The following MYOF variants were observed in gnomAD, a reference collection of about 807,000 sequenced individuals.
The protein encoded by MYOF is fer-1-like 3, myoferlin.
Under a neutral mutation model 284.2 loss-of-function variants are expected in MYOF, and 244 were observed. That is an observed-to-expected ratio of 0.86 (90% CI 0.77 to 0.95). The LOEUF is 0.95. Among genes scored for constraint, MYOF ranks in the 40% least tolerant of loss-of-function variants. The pLI is 0.00. For missense variants in MYOF, 2,496 were observed against 2,560.6 expected (o/e 0.97, Z 0.54); for synonymous variants, 904 against 919.7 (o/e 0.98, Z 0.31).
At chr10:93,393,521 A>G (rs924375360) in intron 16 of MYOF, among the ~76,000 whole-genome samples, 1 of 152,180 alleles carries the variant, frequency 6.6e-6, no homozygotes, top group Non-Finnish European at 1.5e-5. Flanking sequence ...GCTTGTAGCA[A>G]TCTCTGTTTT....
chr10:93,317,736 A>C (rs1842676407), intron 49 of MYOF, among the ~76,000 whole-genome samples: 1 of 152,208 alleles, frequency 6.6e-6, no homozygotes, highest in Non-Finnish European at 1.5e-5. Context: ...AGACTAGGTA[A>C]GTGTCCTTCA....
At position 93,329,667 on chromosome 10, in the gene MYOF, C is replaced by T. The variant is rs751089270; in HGVS notation, c.4979G>A (p.Cys1660Tyr). 1 of 1,613,882 alleles carries T rather than the reference C, an allele frequency of 6.2e-7. No homozygotes were observed. The highest frequency in any genetic ancestry group is 8.5e-7 in the Non-Finnish European group (1 of 1,180,026). ...TTGTACAGTCAAAGCAACTTACACA[C>T]AGTACTCCTCTGGTATGCCGCAGTG... ...GSHCGIPEEY[C>Y]VSGVNTWRDQ... The change falls in exon 44 of 54, where the codon TGT becomes TAT. Residue 1660 changes from cysteine to tyrosine, a missense_variant. Physicochemically the swap from Cys to Tyr is radical, Grantham distance 194. Coordinates refer to ENST00000359263, the MANE Select transcript of MYOF (RefSeq NM_013451.4).
At chr10:93,402,502 T>C (rs1315203439) in intron 10 of MYOF, among the ~76,000 whole-genome samples, 155 bp from the exon 11 acceptor site, 2 of 152,108 alleles carry the variant, frequency 1.3e-5, no homozygotes, top group Admixed American at 6.5e-5. Context: ...GTCTTCTGTT[T>C]TGTACTCTCC....
chr10:93,320,000 T>G lies in MYOF; in HGVS notation c.5470A>C (p.Asn1824His). The G allele has an allele frequency of 1.2e-6, 2 of 1,614,174 alleles. No homozygotes were observed. Among genetic ancestry groups the G allele is most frequent in the Non-Finnish European group, 1.7e-6 (2 of 1,179,988 alleles). ...DIYVKGWIPG[N>H]EENKQKTDVH... Reference sequence around the variant, plus strand: ...TCTGTTTTCTGTTTGTTTTCTTCATTGCCAGGAATCCAGCTGAAAGGCAGA... The same window carrying G: ...TCTGTTTTCTGTTTGTTTTCTTCATGGCCAGGAATCCAGCTGAAAGGCAGA... Residue 1824 changes from asparagine (N) to histidine (H), a missense_variant, in exon 49 of 54, where the codon AAT (asparagine) becomes CAT (histidine). Transcript: ENST00000359263.
intron 1 of MYOF, among the ~76,000 whole-genome samples, chr10:93,473,219 A>C (rs2057188752): frequency 6.6e-6 from 1 of 152,244 alleles, no homozygotes; most frequent in Admixed American, 6.5e-5. Flanking sequence ...GAACAGATCT[A>C]ATCCCTGGAA....
chr10:93,329,974 G>T (rs1843229669), intron 43 of MYOF, 140 bp from the exon 44 acceptor site: 1 of 768,372 alleles, frequency 1.3e-6, no homozygotes, highest in Non-Finnish European at 2.2e-6. Context: ...CAGGGTGGGT[G>T]GTGGTGGGTG....
rs1394720665 is a variant in MYOF at position 93,356,678 on chromosome 10, G to A, written c.3291C>T (p.Ala1097=). Residue 1097 remains alanine (A), a synonymous_variant, in exon 30 of 54, where the codon GCC becomes GCT. Transcript: ENST00000359263. ...GAAAIFKLEG[A]LGADTTEDGD... ...GCTCTGGCAACCTAGTACTTACAAG[G>A]GCACCTTCAAGTTTAAAGATGGCAG... The A allele has an allele frequency of 6.2e-7, 1 of 1,612,260 alleles. No individual in the cohort carries two copies. The highest frequency in any genetic ancestry group is 8.5e-7 in the Non-Finnish European group (1 of 1,179,420).
At position 93,380,745 on chromosome 10, in the gene MYOF, G is replaced by A. The variant is rs116380090; in HGVS notation, c.1876+474C>T. ...TCCTCATGTCAACTCCAGAGAAGAC[G>A]AAGAAACTGAGGGTTAGAATTCAGT... On this transcript the variant is annotated intron_variant, in intron 20 of 53. Coordinates refer to ENST00000359263, the MANE Select transcript of MYOF (RefSeq NM_013451.4). Among the ~76,000 whole-genome samples the A allele has an allele frequency of 6.4e-3, 970 of 152,272 alleles. 13 individuals carry two copies. Among genetic ancestry groups the A allele is most frequent in the African/African-American group, 0.022 (923 of 41,548 alleles).
At chr10:93,379,628 AATG>A (rs1371158902) in intron 21 of MYOF, among the ~76,000 whole-genome samples, 5 of 152,176 alleles carry the variant, frequency 3.3e-5, no homozygotes, top group African/African-American at 4.8e-5. Flanking sequence ...CCATGCAGAC[AATG>A]ATAACTCCTG....
chr10:93,439,848 G>A (rs1564720300), intron 3 of MYOF, among the ~76,000 whole-genome samples: 1 of 152,208 alleles, frequency 6.6e-6, no homozygotes, highest in Non-Finnish European at 1.5e-5. Context: ...GGCTGGGCAG[G>A]TGGGCATGAA....
At chr10:93,366,835 G>A (rs1031188513) in intron 25 of MYOF, among the ~76,000 whole-genome samples, 5 of 152,142 alleles carry the variant, frequency 3.3e-5, no homozygotes, top group South Asian at 2.1e-4. Context: ...GCAAATGATT[G>A]CGAACGTGCT....
intron 3 of MYOF, among the ~76,000 whole-genome samples, chr10:93,432,444 A>G (rs1848921035): frequency 6.6e-6 from 1 of 152,106 alleles, no homozygotes; most frequent in Non-Finnish European, 1.5e-5. Flanking sequence ...ACCCCCCGCC[A>G]GAATCCAGGA....
At chr10:93,389,317 T>C (rs956651797) in intron 17 of MYOF, among the ~76,000 whole-genome samples, 163 bp from the exon 18 acceptor site, 5 of 152,264 alleles carry the variant, frequency 3.3e-5, no homozygotes, top group African/African-American at 1.2e-4. Flanking sequence ...TATTTCTCTT[T>C]TCTTATTGCT....
At chr10:93,474,215 C>T (rs976233879) in intron 1 of MYOF, among the ~76,000 whole-genome samples, 6 of 152,184 alleles carry the variant, frequency 3.9e-5, no homozygotes, top group African/African-American at 7.2e-5. Context: ...TTTGACTCAA[C>T]TAGTAAGCCT....
intron 16 of MYOF, among the ~76,000 whole-genome samples, chr10:93,394,960 A>T (rs1056730418): frequency 1.3e-5 from 2 of 151,474 alleles, no homozygotes; most frequent in Non-Finnish European, 2.9e-5. Context: ...TATTTATGTT[A>T]TCCATTGCTT....
At chr10:93,315,936 C>A (rs969412837) in intron 50 of MYOF, among the ~76,000 whole-genome samples, 1 of 149,248 alleles carries the variant, frequency 6.7e-6, no homozygotes, top group Admixed American at 6.7e-5. Context: ...GCCTGGGCAA[C>A]ATAGTGAGAC....
In MYOF at chr10:93,378,693, G is replaced by GTGTGTGTGTGTATATATATATATATA; in HGVS notation, c.2001+1169_2001+1170insTATATATATATATATACACACACACA. Among the ~76,000 whole-genome samples, 33 of 87,888 alleles carry GTGTGTGTGTGTATATATATATATATA rather than the reference G, an allele frequency of 3.8e-4. 1 individual carries two copies. The highest frequency in any genetic ancestry group is 1.5e-3 in the African/African-American group (31 of 20,792). The allele number at this position is 87,888 out of a possible 152,430, so 57.7% of individuals were successfully genotyped here. A position where few individuals can be genotyped will look rare whatever the true frequency, so the allele number is the denominator to read the frequency against. ...TATGTGTGTGTGTATGTGTGTGTGT[G>GTGTGTGTGTGTATATATATATATATA]TATATATATATATATATATATATGT... On this transcript the variant is annotated intron_variant, in intron 21 of 53. Coordinates refer to ENST00000359263, the MANE Select transcript of MYOF (RefSeq NM_013451.4).
At chr10:93,314,514 G>A (rs1000181346) in intron 50 of MYOF, among the ~76,000 whole-genome samples, 1 of 152,186 alleles carries the variant, frequency 6.6e-6, no homozygotes, top group African/African-American at 2.4e-5. Flanking sequence ...GGATGACTGG[G>A]GCAAGAGTCT....
chr10:93,401,441 T>C lies in MYOF; in HGVS notation c.1094A>G (p.Tyr365Cys). Residue 365 changes from tyrosine (Y) to cysteine (C), a missense_variant, in exon 12 of 54, where the codon TAC becomes TGC. By Grantham distance (194) the Tyr-to-Cys change is radical. Transcript: ENST00000359263. Reference sequence around the variant, plus strand: ...ACTCTGGGGGATGTCCTCAGCTCGGTAGATTTTCAGCAAGAAGGTCACCCA... The same window carrying C: ...ACTCTGGGGGATGTCCTCAGCTCGGCAGATTTTCAGCAAGAAGGTCACCCA... ...LRWVTFLLKI[Y>C]RAEDIPQMDD... The C allele has an allele frequency of 6.2e-7, 1 of 1,614,132 alleles. No individual in the cohort carries two copies.
Sources: gnomAD v4.1 joint callset for allele counts (sites outside exome capture counted in the v4.1 genomes callset) on GRCh38, gnomAD v4.1.1 for gene constraint, MANE v1.5 for transcripts, NCBI Gene and HGNC (gene_info 2026-07-23, HGNC 2026-07-21) for gene names.